The following MAP3K7CL variants were observed in gnomAD, a reference collection of about 807,000 sequenced individuals.
MAP3K7CL encodes MAP3K7 C-terminal-like protein.
A neutral mutation model predicts 18.6 loss-of-function variants in MAP3K7CL; 16 were observed. The ratio of observed to expected loss-of-function variants is 0.86; its 90% CI spans 0.58 to 1.31. MAP3K7CL has a LOEUF of 1.31. MAP3K7CL is among the 50% of genes most tolerant of loss of function. The pLI, the probability that MAP3K7CL is intolerant of heterozygous loss-of-function variation, is 0.00. For missense variants in MAP3K7CL, 163 were observed against 174.4 expected (o/e 0.93, Z 0.37); for synonymous variants, 65 against 66.8 (o/e 0.97, Z 0.13).
chr21:29,094,414 G>A (rs2086084390), intron 4 of MAP3K7CL, among the ~76,000 whole-genome samples: 1 of 152,212 alleles, frequency 6.6e-6, no homozygotes. Flanking sequence ...AGAAAGTCTA[G>A]GGTGGGGCCT....
At chr21:29,119,003 A>G (rs1444505482) in intron 4 of MAP3K7CL, among the ~76,000 whole-genome samples, 2 of 152,076 alleles carry the variant, frequency 1.3e-5, no homozygotes, top group Non-Finnish European at 2.9e-5. Context: ...CACTTTTATG[A>G]GATGTGTTTG....
chr21:29,079,816 C>A (rs958237767), intron 1 of MAP3K7CL, among the ~76,000 whole-genome samples: 3 of 152,172 alleles, frequency 2.0e-5, no homozygotes, highest in African/African-American at 7.2e-5. Flanking sequence ...AAAGTCTCTC[C>A]AGGTTAGGGC....
chr21:29,139,691 T>C (rs568126042), intron 2 of MAP3K7CL, among the ~76,000 whole-genome samples: 28 of 152,138 alleles, frequency 1.8e-4, no homozygotes, highest in African/African-American at 6.5e-4. Flanking sequence ...TTCAAGCCAT[T>C]CTCCTGCCTC....
At chr21:29,106,180 G>C (rs1038242563) in intron 4 of MAP3K7CL, among the ~76,000 whole-genome samples, 4 of 152,066 alleles carry the variant, frequency 2.6e-5, no homozygotes, top group African/African-American at 9.7e-5. Context: ...AAAGTACTAA[G>C]AAAACGGCAC....
intron 2 of MAP3K7CL, among the ~76,000 whole-genome samples, chr21:29,146,868 A>G (rs2087139169): frequency 1.3e-5 from 2 of 152,340 alleles, no homozygotes; most frequent in South Asian, 4.1e-4. Context: ...GCTTGTTTAA[A>G]TTATCTTTTT....
chr21:29,170,279 G>A (rs1043774404), intron 4 of MAP3K7CL, among the ~76,000 whole-genome samples: 5 of 152,112 alleles, frequency 3.3e-5, no homozygotes, highest in East Asian at 1.9e-4. Context: ...AAACATATCC[G>A]CTGAGTCTTC....
intron 2 of MAP3K7CL, 95 bp downstream of exon 2, chr21:29,133,509 C>A: frequency 1.2e-6 from 1 of 854,740 alleles, no homozygotes; most frequent in Non-Finnish European, 1.7e-6. Flanking sequence ...TTTAAAGTTG[C>A]ATGCTTGCAT....
At chr21:29,106,542 TTC>T (rs1238418662) in intron 4 of MAP3K7CL, among the ~76,000 whole-genome samples, 1 of 152,184 alleles carries the variant, frequency 6.6e-6, no homozygotes, top group Non-Finnish European at 1.5e-5. Context: ...CCCCATCCAC[TTC>T]TCTCAGTCTG....
At chr21:29,160,689 C>T (rs770174050) in intron 4 of MAP3K7CL, among the ~76,000 whole-genome samples, 5 of 152,204 alleles carry the variant, frequency 3.3e-5, no homozygotes, top group Non-Finnish European at 7.3e-5. Flanking sequence ...AGAGTAGACA[C>T]CTTTCCTTCA....
intron 3 of MAP3K7CL, among the ~76,000 whole-genome samples, chr21:29,151,156 G>A (rs2087263435): frequency 6.6e-6 from 1 of 151,824 alleles, no homozygotes; most frequent in African/African-American, 2.4e-5. Context: ...TGTGCTGCTG[G>A]TGGTGTAATT....
intron 1 of MAP3K7CL, among the ~76,000 whole-genome samples, chr21:29,089,131 C>G (rs1483282858): frequency 7.0e-6 from 1 of 142,508 alleles, no homozygotes; most frequent in Non-Finnish European, 1.5e-5. Context: ...GATCGCACCA[C>G]TATACTCCAG....
In MAP3K7CL at chr21:29,159,928, GT is replaced by G. The variant is rs769297972; in HGVS notation, c.133-11del. On this transcript the variant is annotated splice_polypyrimidine_tract_variant and intron_variant, in intron 3 of 4. Coordinates refer to ENST00000399928, the MANE Select transcript of MAP3K7CL (RefSeq NM_001286620.2). Reference sequence around the variant, plus strand: ...CAAAGAAATGGACTAATTTCTTCTTGTTGTTTGTGAAGCCCCTGCCGCCTTG... The same window carrying G: ...CAAAGAAATGGACTAATTTCTTCTTGTGTTTGTGAAGCCCCTGCCGCCTTG... 6.2e-7 allele frequency: 1 copy of G among 1,604,370 alleles called. No individual in the cohort carries two copies.
At chr21:29,099,784 T>TA (rs371231469) in intron 4 of MAP3K7CL, among the ~76,000 whole-genome samples, 5,308 of 151,460 alleles carry the variant, frequency 0.035, 122 homozygotes, top group Middle Eastern at 0.099. Flanking sequence ...CAGACTAATT[T>TA]AAAAAAAACA....
intron 1 of MAP3K7CL, among the ~76,000 whole-genome samples, chr21:29,089,284 C>T (rs2085981402): frequency 6.6e-6 from 1 of 150,820 alleles, no homozygotes; most frequent in African/African-American, 2.4e-5. Context: ...GAAGACTGCT[C>T]ACACCACCTG....
chr21:29,173,034 G>T (rs2087880764), intron 4 of MAP3K7CL, among the ~76,000 whole-genome samples: 1 of 152,204 alleles, frequency 6.6e-6, no homozygotes, highest in Non-Finnish European at 1.5e-5. Flanking sequence ...ATGAAAGAAT[G>T]TAAGGAAGAT....
chr21:29,120,083 G>A (rs572149510), intron 4 of MAP3K7CL, among the ~76,000 whole-genome samples: 5 of 152,208 alleles, frequency 3.3e-5, no homozygotes, highest in Admixed American at 6.5e-5. Flanking sequence ...GCATTGTTAC[G>A]GAGAAATATG....
At chr21:29,126,860 T>C (rs1422505802), upstream of MAP3K7CL, among the ~76,000 whole-genome samples, 4 of 152,204 alleles carry the variant, frequency 2.6e-5, no homozygotes, top group African/African-American at 9.6e-5. Context: ...GAATATTTCT[T>C]TGTTGGAGAC....
chr21:29,150,148 G>T (rs1272746415), intron 3 of MAP3K7CL, among the ~76,000 whole-genome samples: 1 of 152,170 alleles, frequency 6.6e-6, no homozygotes, highest in Non-Finnish European at 1.5e-5. Context: ...CCCATTTGTG[G>T]GTGTGCCTTG....
chr21:29,085,937 A>G (rs773081792), intron 1 of MAP3K7CL: 2 of 1,613,698 alleles, frequency 1.2e-6, no homozygotes, highest in East Asian at 2.2e-5. Context: ...CCTTCCCCCA[A>G]CCCCTTCCTG....
Sources: allele counts gnomAD v4.1 joint callset (sites outside exome capture counted in the v4.1 genomes callset), GRCh38; gene constraint gnomAD v4.1.1; transcripts MANE v1.5; gene names NCBI Gene and HGNC (gene_info 2026-07-23, HGNC 2026-07-21).